Variants in VPS13A observed in about 807,000 individuals in gnomAD.
The protein encoded by VPS13A is vacuolar protein sorting 13 homolog A.
In VPS13A, 264 loss-of-function variants were observed where a neutral mutation model predicts 390.9. The observed-to-expected ratio is 0.68, with a 90% CI of 0.61 to 0.75. The LOEUF is 0.75. Ranked by LOEUF, VPS13A falls within the 30% of genes least tolerant of loss-of-function variation. The pLI, the probability that VPS13A is intolerant of heterozygous loss-of-function variation, is 0.00. For missense variants in VPS13A, 3,409 were observed against 3,733.9 expected (o/e 0.91, Z 2.27); for synonymous variants, 1,231 against 1,227.1 (o/e 1.00, Z -0.07).
chr9:77,190,837 T>A (rs1223651627), intron 1 of VPS13A, among the ~76,000 whole-genome samples: 2 of 152,210 alleles, frequency 1.3e-5, no homozygotes, highest in Non-Finnish European at 2.9e-5. Flanking sequence ...CCATTTCTTG[T>A]AGATTTTCTA....
At chr9:77,370,653 T>C (rs2131588041) in intron 65 of VPS13A, 75 bp downstream of exon 65, 1 of 1,587,568 alleles carries the variant, frequency 6.3e-7, no homozygotes, top group East Asian at 2.2e-5. Flanking sequence ...AATAAGGAAA[T>C]AGACATGATT....
At chr9:77,266,864 T>C (rs1417282362) in intron 23 of VPS13A, among the ~76,000 whole-genome samples, 6 of 152,054 alleles carry the variant, frequency 3.9e-5, no homozygotes, top group Non-Finnish European at 5.9e-5. Flanking sequence ...TTGTTCGTTT[T>C]CATTCTTTTT....
chr9:77,300,968 A>G (rs1828311370), intron 33 of VPS13A, among the ~76,000 whole-genome samples: 1 of 152,280 alleles, frequency 6.6e-6, no homozygotes, highest in Admixed American at 6.5e-5. Context: ...CTAATTAAAA[A>G]TATAGAGGAC....
rs1048743 is a variant in VPS13A at position 77,416,948 on chromosome 9, C to T, written c.*942C>T. The T allele has an allele frequency of 0.023, 3,583 of 152,682 alleles. 59 individuals carry two copies. Among genetic ancestry groups the T allele is most frequent in the Middle Eastern group, 0.048 (14 of 294 alleles). 9.5% of individuals were successfully genotyped at this position (152,682 alleles called of 1,614,324 possible). On this transcript the variant is annotated 3_prime_UTR_variant, in exon 72 of 72. Coordinates refer to ENST00000360280, the MANE Select transcript of VPS13A (RefSeq NM_033305.3). ...CCTAAAATCTAACCCAATAACCTGT[C>T]CCGTTGCCAATAGATTGAGAATTTC...
intron 54 of VPS13A, among the ~76,000 whole-genome samples, chr9:77,354,695 T>G (rs542225823): frequency 6.6e-6 from 1 of 152,278 alleles, no homozygotes; most frequent in South Asian, 2.1e-4. Flanking sequence ...GATAACTATT[T>G]TATACTTGTC....
rs1834773792 is a variant in VPS13A at position 77,409,058 on chromosome 9, A to ACTGACAC, written c.9474+1454_9474+1460dup. Among the ~76,000 whole-genome samples, 4 of 152,214 alleles carry ACTGACAC rather than the reference A, an allele frequency of 2.6e-5. No individual in the cohort carries two copies. The South Asian group carries it at 8.3e-4, about 32-fold the overall frequency. ...GGAGGCACCCCCCAAGTAGGGGCAG[A>ACTGACAC]CTGACACCTCACACGGCCAGGTACT... On this transcript the variant is annotated intron_variant, in intron 71 of 71. Coordinates refer to ENST00000360280, the MANE Select transcript of VPS13A (RefSeq NM_033305.3).
chr9:77,337,499 C>T lies in VPS13A; in HGVS notation c.6340C>T (p.Arg2114Ter), dbSNP rs1417854249. Residue 2114 changes from arginine (R) to a stop codon, truncating the protein, a stop_gained, in exon 47 of 72, where the codon CGA (arginine) becomes TGA (stop). Transcript: ENST00000360280. LOFTEE classifies it high-confidence loss of function. ...GCATTTGTGGCCACCTATCCTGCTC[C>T]GAAATCTTCTTCCTTACAAAATTGC... ...IMHLWPPILL[R>*]NLLPYKIAYY... The T allele has an allele frequency of 9.3e-6, 15 of 1,612,700 alleles. No individual in the cohort carries two copies. The highest frequency in any genetic ancestry group is 2.7e-5 in the African/African-American group (2 of 74,858).
At chr9:77,331,774 TTCC>T in intron 45 of VPS13A, among the ~76,000 whole-genome samples, 1 of 151,988 alleles carries the variant, frequency 6.6e-6, no homozygotes. Flanking sequence ...TATTATCTTA[TTCC>T]CCTGTAGGAT....
At chr9:77,228,064 TTTG>T (rs1411792510) in intron 16 of VPS13A, 55 bp from the exon 17 acceptor site, 19 of 1,245,500 alleles carry the variant, frequency 1.5e-5, no homozygotes, top group Non-Finnish European at 2.0e-5. Context: ...TATAAGAATA[TTTG>T]TTATGCTTAT....
intron 68 of VPS13A, among the ~76,000 whole-genome samples, chr9:77,387,900 C>G (rs1373335330): frequency 1.3e-5 from 2 of 152,104 alleles, no homozygotes; most frequent in South Asian, 2.1e-4. Context: ...TTCTGTGTCT[C>G]AAGATTATAA....
intron 68 of VPS13A, among the ~76,000 whole-genome samples, chr9:77,386,712 A>T (rs12340709): frequency 2.2e-4 from 26 of 119,812 alleles, no homozygotes; most frequent in Middle Eastern, 4.1e-3. Flanking sequence ...TTTTTTTTTT[A>T]ATTTTTTTTT....
chr9:77,357,610 TA>T, intron 55 of VPS13A, 81 bp from the exon 56 acceptor site: 1 of 1,441,622 alleles, frequency 6.9e-7, no homozygotes, highest in South Asian at 1.2e-5. Context: ...CTTACTGTTT[TA>T]AAAAGTTTTT....
chr9:77,341,347 AAAAG>A (rs1289749851), intron 50 of VPS13A, among the ~76,000 whole-genome samples: 2 of 152,058 alleles, frequency 1.3e-5, no homozygotes, highest in African/African-American at 2.4e-5. Context: ...AAAAAGAAAA[AAAAG>A]AAAGAAAAAT....
intron 71 of VPS13A, among the ~76,000 whole-genome samples, chr9:77,410,647 G>C (rs1182783035): frequency 6.6e-6 from 1 of 152,116 alleles, no homozygotes; most frequent in Non-Finnish European, 1.5e-5. Context: ...TGCAATCCTA[G>C]TCTCTGATAA....
chr9:77,269,401 CATCT>C (rs1826227221), intron 23 of VPS13A, among the ~76,000 whole-genome samples: 1 of 152,148 alleles, frequency 6.6e-6, no homozygotes, highest in South Asian at 2.1e-4. Context: ...CTATCATTTC[CATCT>C]GTTTCTGTCC....
intron 59 of VPS13A, among the ~76,000 whole-genome samples, chr9:77,363,167 T>C (rs979335193): frequency 2.6e-5 from 4 of 152,232 alleles, no homozygotes; most frequent in Admixed American, 2.6e-4. Flanking sequence ...AGAGCAGACA[T>C]TCTTCTTTTG....
rs910286099 is a variant in VPS13A at position 77,323,121 on chromosome 9, G to A, written c.5885G>A (p.Arg1962His). 10 of 1,613,240 alleles carry A rather than the reference G, an allele frequency of 6.2e-6. No homozygotes were observed. Among genetic ancestry groups the A allele is most frequent in the Admixed American group, 1.7e-5 (1 of 59,908 alleles). ...ATTCCTTTAACAAAAGTGGGACGAC[G>A]TCTGTACACTGTAAGACACAGAGAG... ...DKIPLTKVGR[R>H]LYTVRHRESG... Residue 1962 changes from arginine to histidine, a missense_variant, in exon 45 of 72, where the codon CGT (arginine) becomes CAT (histidine). By Grantham distance (29) the Arg-to-His change is conservative (BLOSUM62 0). Transcript: ENST00000360280.
At chr9:77,348,655 A>T (rs1165121995) in intron 52 of VPS13A, among the ~76,000 whole-genome samples, 1 of 152,092 alleles carries the variant, frequency 6.6e-6, no homozygotes, top group African/African-American at 2.4e-5. Flanking sequence ...ATTCTATGTG[A>T]TCCCTTCCCT....
rs1002546447 is a variant in VPS13A at position 77,302,204 on chromosome 9, C to T, written c.3813-711C>T. On this transcript the variant is annotated intron_variant, in intron 33 of 71. Transcript: ENST00000360280. ...AACTCCTGACCTCAGGTGATCCACC[C>T]GCTTTGGCCTCCCAAAGTGCTGGGA... 5.3e-5 allele frequency among the ~76,000 whole-genome samples: 8 copies of T among 151,834 alleles called. No individual in the cohort carries two copies. In the South Asian group the frequency reaches 6.2e-4, roughly 12 times the overall value.
Sources: allele counts gnomAD v4.1 joint callset (sites outside exome capture counted in the v4.1 genomes callset), GRCh38; gene constraint gnomAD v4.1.1; transcripts MANE v1.5; gene names NCBI Gene and HGNC (gene_info 2026-07-23, HGNC 2026-07-21).